Variants in SEMA5B observed in about 807,000 individuals in gnomAD.
SEMA5B encodes the protein semaphorin 5B.
In SEMA5B, 66 loss-of-function variants were observed where a neutral mutation model predicts 135.0. That is an observed-to-expected ratio of 0.49 (90% confidence interval 0.40 to 0.60). The LOEUF (loss-of-function observed/expected upper bound fraction) is 0.60. Ranked by LOEUF, SEMA5B falls within the 20% of genes least tolerant of loss-of-function variation. SEMA5B has a pLI of 0.00. For synonymous variants in SEMA5B, 690 were observed against 639.5 expected, an observed-to-expected ratio of 1.08 and a Z score of -1.19; for missense variants, 1,501 against 1,566.3, an observed-to-expected ratio of 0.96 and a Z score of 0.70.
intron 8 of SEMA5B, among the ~76,000 whole-genome samples, chr3:122,927,494 C>T (rs1434463163): frequency 3.3e-5 from 5 of 152,180 alleles, no homozygotes; most frequent in Non-Finnish European, 7.4e-5. Context: ...TACCTGGCCC[C>T]GTAATTTTTT....
intron 1 of SEMA5B, among the ~76,000 whole-genome samples, chr3:123,008,659 T>G (rs1457154595): frequency 1.3e-5 from 2 of 152,002 alleles, no homozygotes; most frequent in Non-Finnish European, 2.9e-5. Flanking sequence ...ATGCAGTAGG[T>G]GGGGGCTACG....
rs1042708081 is a variant in SEMA5B, at chr3:123,027,718, C to T, written c.-293G>A. ...GGAGCTGGGCTCTGGCACCAACCCCCGCGCTCCAACTAGCTCCCGACCCGG... is the reference window on the plus strand; with the variant it reads ...GGAGCTGGGCTCTGGCACCAACCCCTGCGCTCCAACTAGCTCCCGACCCGG... On this transcript the variant is annotated 5_prime_UTR_variant, in exon 1 of 23. Transcript: ENST00000357599. 1.3e-5 allele frequency: 2 copies of T among 152,246 alleles called. No homozygotes were observed. The highest frequency in any genetic ancestry group is 1.9e-4 in the East Asian group (1 of 5,160). 9.4% of individuals were successfully genotyped at this position (152,246 alleles called of 1,614,324 possible).
intron 1 of SEMA5B, among the ~76,000 whole-genome samples, chr3:122,997,192 G>A (rs1393085680): frequency 1.3e-5 from 2 of 152,162 alleles, no homozygotes; most frequent in African/African-American, 4.8e-5. Context: ...TGTGGAAGCC[G>A]AGGCTCAGCG....
At chr3:123,011,725 A>G (rs1484160704) in intron 1 of SEMA5B, among the ~76,000 whole-genome samples, 1 of 152,192 alleles carries the variant, frequency 6.6e-6, no homozygotes, top group African/African-American at 2.4e-5. Flanking sequence ...GAGAGGCCAC[A>G]AGAGAGGGAC....
intron 1 of SEMA5B, among the ~76,000 whole-genome samples, chr3:123,025,967 A>T (rs200090788): frequency 6.6e-6 from 1 of 152,160 alleles, no homozygotes; most frequent in Non-Finnish European, 1.5e-5. Flanking sequence ...CCTCAAGGTC[A>T]TCTGTCCCGG....
intron 1 of SEMA5B, among the ~76,000 whole-genome samples, chr3:123,024,732 C>T (rs1942761479): frequency 6.6e-6 from 1 of 152,128 alleles, no homozygotes; most frequent in African/African-American, 2.4e-5. Flanking sequence ...TACAGGGAGA[C>T]AAGATAACAT....
chr3:122,976,334 C>T (rs1474645389), intron 1 of SEMA5B, among the ~76,000 whole-genome samples: 5 of 151,980 alleles, frequency 3.3e-5, no homozygotes, highest in Non-Finnish European at 7.4e-5. Flanking sequence ...GCCCTCCAGA[C>T]TCTATTGCAC....
At chr3:122,922,576 T>C (rs2107639982) in intron 10 of SEMA5B, 129 bp from the exon 11 acceptor site, 2 of 804,034 alleles carry the variant, frequency 2.5e-6, no homozygotes, top group Non-Finnish European at 4.0e-6. Context: ...CCCCCACCCC[T>C]AGCATCCCTG....
chr3:122,935,686 C>CTTTCTTTTTT (rs1939233868), intron 5 of SEMA5B, among the ~76,000 whole-genome samples: 4 of 70,256 alleles, frequency 5.7e-5, no homozygotes, highest in African/African-American at 1.1e-4. Context: ...TTCTTTCTTT[C>CTTTCTTTTTT]TTTTTTTTTT....
intron 2 of SEMA5B, among the ~76,000 whole-genome samples, chr3:122,948,998 G>A (rs1353808225): frequency 2.0e-5 from 3 of 152,098 alleles, no homozygotes; most frequent in Non-Finnish European, 4.4e-5. Context: ...TAGTATCTTA[G>A]GGATTTTAAT....
intron 1 of SEMA5B, among the ~76,000 whole-genome samples, chr3:123,015,434 GCTGGTCAGGCCTCAC>G (rs1942534849): frequency 6.6e-6 from 1 of 152,206 alleles, no homozygotes; most frequent in Non-Finnish European, 1.5e-5. Context: ...ATACGGGTAT[GCTGGTCAGGCCTCAC>G]CTGGAGGGCC....
At chr3:122,911,108 C>T in intron 21 of SEMA5B, 63 bp from the exon 22 acceptor site, 2 of 1,394,316 alleles carry the variant, frequency 1.4e-6, no homozygotes, top group South Asian at 1.3e-5. Context: ...CTCCTGCCTG[C>T]CTCCCTGGGA....
chr3:122,999,942 G>T (rs1048258921), intron 1 of SEMA5B, among the ~76,000 whole-genome samples: 1 of 152,238 alleles, frequency 6.6e-6, no homozygotes, highest in Non-Finnish European at 1.5e-5. Context: ...GGGCATAGTG[G>T]CTCACGCCTG....
intron 1 of SEMA5B, among the ~76,000 whole-genome samples, chr3:123,009,419 AAC>A (rs1378852123): frequency 1.3e-5 from 2 of 152,090 alleles, no homozygotes; most frequent in African/African-American, 4.8e-5. Context: ...ATCAGGGATA[AAC>A]ACAGAGAGTA....
chr3:123,003,151 G>T (rs907773661), intron 1 of SEMA5B, among the ~76,000 whole-genome samples: 2 of 152,080 alleles, frequency 1.3e-5, no homozygotes, highest in African/African-American at 4.8e-5. Flanking sequence ...AAGTACTGAG[G>T]ACACAAAAGT....
intron 20 of SEMA5B, 67 bp from the exon 21 acceptor site, chr3:122,911,602 G>A: frequency 6.6e-7 from 1 of 1,513,896 alleles, no homozygotes. Flanking sequence ...TGCAGGGTAG[G>A]CGTAAGCCTG....
At chr3:122,929,400 C>T (rs1442947619) in intron 5 of SEMA5B, among the ~76,000 whole-genome samples, 1 of 152,250 alleles carries the variant, frequency 6.6e-6, no homozygotes, top group Admixed American at 6.5e-5. Context: ...GAAGGACCTT[C>T]AATCCCACCC....
chr3:122,973,282 G>T (rs772611583), intron 1 of SEMA5B, among the ~76,000 whole-genome samples: 5 of 152,168 alleles, frequency 3.3e-5, no homozygotes, highest in Non-Finnish European at 7.4e-5. Flanking sequence ...GTGCCAAGTG[G>T]CCCTGGGCCT....
chr3:122,913,159 G>T, intron 17 of SEMA5B, 40 bp downstream of exon 17: 1 of 1,500,290 alleles, frequency 6.7e-7, no homozygotes, highest in Non-Finnish European at 8.8e-7. Flanking sequence ...CCGCTCCGGG[G>T]CTGGGAGAGA....
Sources: gnomAD v4.1 joint callset for allele counts (sites outside exome capture counted in the v4.1 genomes callset) on GRCh38, gnomAD v4.1.1 for gene constraint, MANE v1.5 for transcripts, NCBI Gene and HGNC (gene_info 2026-07-23, HGNC 2026-07-21) for gene names.